Variants in XRCC3 observed in about 807,000 individuals in gnomAD.
XRCC3 encodes the protein X-ray repair cross complementing 3.
Under a neutral mutation model 29.2 loss-of-function variants are expected in XRCC3, and 34 were observed. The ratio of observed to expected loss-of-function variants is 1.16; its 90% confidence interval spans 0.88 to 1.55. XRCC3 has a LOEUF of 1.55. Among genes scored for constraint, XRCC3 ranks in the 40% most tolerant of loss-of-function variants. XRCC3 has a pLI of 0.00. For missense variants in XRCC3, 463 were observed against 467.6 expected (o/e 0.99, Z 0.09); for synonymous variants, 223 against 211.3 (o/e 1.06, Z -0.48).
chr14:103,709,956 C>T (rs1289572937), intron 4 of XRCC3: 1 of 152,308 alleles, frequency 6.6e-6, no homozygotes, highest in Non-Finnish European at 1.5e-5. Context: ...CCTGCCCTGT[C>T]ACCAGGCTGC....
In XRCC3 at chr14:103,707,080, G is replaced by A. The variant is rs577087507; in HGVS notation, c.329C>T (p.Ser110Leu). ...CAGCGCCAGCTGGGTCTTCCCTGCC[G>A]AGCTGCGTCCGGCCAGCTCAGTGAT... ...DGITELAGRS[S>L]AGKTQLALQL... Residue 110 changes from serine (S) to leucine (L), a missense_variant, in exon 6 of 10, where the codon TCG (serine) becomes TTG (leucine). By Grantham distance (145) the Ser-to-Leu change is moderately radical (BLOSUM62 -2). Coordinates refer to ENST00000555055, the MANE Select transcript of XRCC3 (RefSeq NM_005432.4). 25 of 1,559,422 alleles carry A rather than the reference G, an allele frequency of 1.6e-5. No homozygotes were observed. Among genetic ancestry groups the A allele is most frequent in the South Asian group, 3.5e-5 (3 of 84,800 alleles).
chr14:103,703,206 GC>G lies in XRCC3; in HGVS notation c.527del (p.Gly176AlafsTer19). The G allele has an allele frequency of 1.3e-6, 2 of 1,570,926 alleles. No homozygotes were observed. The highest frequency in any genetic ancestry group is 1.7e-6 in the Non-Finnish European group (2 of 1,157,814). On this transcript the variant is annotated frameshift_variant, in exon 7 of 10. Coordinates refer to ENST00000555055, the MANE Select transcript of XRCC3 (RefSeq NM_005432.4). LOFTEE classifies it high-confidence loss of function. ...PGELLQKLRF[G>X]SQIFIEHVAD... ...CCACGTGCTCGATGAAGATCTGGCT[GC>G]CAAATCGGAGCTTCTGAAGCAGCTC...
chr14:103,711,394 AT>A (rs1351609986), intron 3 of XRCC3, 71 bp downstream of exon 3: 1 of 594,582 alleles, frequency 1.7e-6, no homozygotes, highest in Non-Finnish European at 3.2e-6. Context: ...AACCCACCAC[AT>A]TTACCTCCTG....
intron 6 of XRCC3, chr14:103,706,401 G>A (rs1348271238): frequency 2.2e-5 from 10 of 455,994 alleles, no homozygotes; most frequent in African/African-American, 1.4e-4. Flanking sequence ...TTAAGACAAC[G>A]TGGGAATCGC....
chr14:103,713,203 G>C (rs2083692713), intron 1 of XRCC3: 1 of 152,294 alleles, frequency 6.6e-6, no homozygotes, highest in African/African-American at 2.4e-5. Context: ...CTCTCCCACT[G>C]CAAGACCGCA....
At position 103,699,621 on chromosome 14, in the gene XRCC3, G is replaced by A. The variant is rs372557197; in HGVS notation, c.562-45C>T. The A allele has an allele frequency of 1.4e-5, 23 of 1,599,052 alleles. No individual in the cohort carries two copies. In the African/African-American group the frequency reaches 2.1e-4, roughly 15 times the overall value. ...TGTCTATGCTGGTCAGCAAGTCCCC[G>A]CCCCAGGTGACCAGACCCCGTTTGG... On this transcript the variant is annotated intron_variant, in intron 7 of 9. Transcript: ENST00000555055.
chr14:103,698,880 G>A lies in XRCC3; in HGVS notation c.959C>T (p.Ala320Val), dbSNP rs1176314260. The A allele has an allele frequency of 6.2e-7, 1 of 1,606,174 alleles. No individual in the cohort carries two copies. Residue 320 changes from alanine to valine, a missense_variant, in exon 10 of 10, where the codon GCC (alanine) becomes GTC (valine). Transcript: ENST00000555055. ...CPARTLRVLS[A>V]PHLPPSSCSY... ...ACAGGAGGAGGGGGGCAGGTGGGGG[G>A]CAGAGAGCACCCGCAGGGTCCGGGC...
At chr14:103,708,720 GTGAC>G (rs2151940490) in intron 4 of XRCC3, 61 bp from the exon 5 acceptor site, 1 of 1,607,666 alleles carries the variant, frequency 6.2e-7, no homozygotes, top group African/African-American at 1.3e-5. Context: ...GGGCAACACA[GTGAC>G]AAAAGGTGCT....
chr14:103,702,150 T>C (rs571271988), intron 7 of XRCC3: 24 of 152,712 alleles, frequency 1.6e-4, no homozygotes, highest in Admixed American at 1.3e-3. Context: ...CAGCCTCTCT[T>C]GCCTGCTTCT....
intron 7 of XRCC3, chr14:103,702,459 C>T: frequency 6.5e-6 from 1 of 152,890 alleles, no homozygotes; most frequent in East Asian, 1.9e-4. Context: ...GCGGTGGTCT[C>T]CTGGGGCAGC....
At chr14:103,709,247 C>A (rs1256494319) in intron 4 of XRCC3, 1 of 178,126 alleles carries the variant, frequency 5.6e-6, no homozygotes, top group African/African-American at 2.4e-5. Flanking sequence ...GGTGCAGATC[C>A]CCAGGACCTG....
At chr14:103,700,517 G>A in intron 7 of XRCC3, 1 of 615,250 alleles carries the variant, frequency 1.6e-6, no homozygotes, top group Non-Finnish European at 2.8e-6. Flanking sequence ...TGGCCAGATG[G>A]AGGCTGCTAA....
intron 7 of XRCC3, chr14:103,701,273 C>T (rs1220016644): frequency 1.3e-5 from 19 of 1,507,516 alleles, no homozygotes; most frequent in South Asian, 1.1e-4. Flanking sequence ...ACAGCCAGGG[C>T]GGCAGGGAGG....
At position 103,707,116 on chromosome 14, in the gene XRCC3, G is replaced by T. The variant is rs1454280648; in HGVS notation, c.293C>A (p.Pro98His). ...GGCCAGCTCAGTGATGCCGTCCAGG[G>T]GCAGGCCACCGCGGAGCAGCGCGTC... The part of the protein sequence containing the change: ...VLDALLRGGL[P>H]LDGITELAGR... The change falls in exon 6 of 10, where the codon CCC (proline) becomes CAC (histidine). Residue 98 changes from proline to histidine, a missense_variant. Physicochemically the swap from Pro to His is moderately conservative, Grantham distance 77 (BLOSUM62 -2). Coordinates refer to ENST00000555055, the MANE Select transcript of XRCC3 (RefSeq NM_005432.4). 8 of 1,550,898 alleles carry T rather than the reference G, an allele frequency of 5.2e-6. No individual in the cohort carries two copies. The highest frequency in any genetic ancestry group is 1.8e-4 in the Middle Eastern group (1 of 5,694).
chr14:103,701,488 G>A (rs1167935473), intron 7 of XRCC3: 4 of 421,038 alleles, frequency 9.5e-6, no homozygotes, highest in Non-Finnish European at 1.3e-5. Flanking sequence ...TCCTCACGTT[G>A]TGTGCGATAA....
At chr14:103,700,799 T>TG (rs1337500784) in intron 7 of XRCC3, 48 of 1,215,906 alleles carry the variant, frequency 3.9e-5, no homozygotes, top group Non-Finnish European at 5.1e-5. Context: ...ATGCAGGGAC[T>TG]GGGGGGAGCT....
chr14:103,702,677 T>C (rs1049273824), intron 7 of XRCC3: 5 of 186,966 alleles, frequency 2.7e-5, no homozygotes, highest in African/African-American at 1.2e-4. Context: ...TGTAACTGGG[T>C]GTCGCAGCCT....
Position 103,707,076 on chromosome 14 carries a change from T to C in XRCC3, c.333A>G (p.Ala111=). Residue 111 remains alanine (A), a synonymous_variant, in exon 6 of 10, where the codon GCA becomes GCG. Transcript: ENST00000555055. ...GITELAGRSS[A]GKTQLALQLC... is the part of the protein sequence containing the mutation. ...GCTGCAGCGCCAGCTGGGTCTTCCC[T>C]GCCGAGCTGCGTCCGGCCAGCTCAG... 1 of 1,560,054 alleles carries C rather than the reference T, an allele frequency of 6.4e-7. No individual in the cohort carries two copies. Among genetic ancestry groups the C allele is most frequent in the Non-Finnish European group, 8.7e-7 (1 of 1,153,848 alleles).
At chr14:103,701,774 TA>T in intron 7 of XRCC3, 1 of 151,888 alleles carries the variant, frequency 6.6e-6, no homozygotes, top group Admixed American at 6.6e-5. Flanking sequence ...CTCTGGAGGC[TA>T]AGGCAAGAGA....
Sources: allele counts gnomAD v4.1 joint callset, GRCh38; gene constraint gnomAD v4.1.1; transcripts MANE v1.5; gene names NCBI Gene and HGNC (gene_info 2026-07-23, HGNC 2026-07-21).